The following APBB1IP variants were observed in gnomAD, a reference collection of about 807,000 sequenced individuals.
APBB1IP encodes amyloid beta A4 precursor protein-binding family B member 1-interacting protein.
Under a neutral mutation model 64.9 loss-of-function variants are expected in APBB1IP, and 27 were observed. That is an observed-to-expected ratio of 0.42 (90% CI 0.31 to 0.57). The LOEUF (loss-of-function observed/expected upper bound fraction) is 0.57. Among genes scored for constraint, APBB1IP ranks in the 20% least tolerant of loss-of-function variants. The pLI is 0.20. For synonymous variants in APBB1IP, 392 were observed against 331.0 expected, an observed-to-expected ratio of 1.18 and a Z score of -2.00; for missense variants, 812 against 845.5, an observed-to-expected ratio of 0.96 and a Z score of 0.49.
In APBB1IP at chr10:26,540,201, C is replaced by T. The variant is rs573111294; in HGVS notation, c.1045-1381C>T. 4.6e-5 allele frequency among the ~76,000 whole-genome samples: 7 copies of T among 152,198 alleles called. No individual in the cohort carries two copies. In the East Asian group the frequency reaches 5.8e-4, roughly 13 times the overall value. ...GTTAAATAAATCGTTACACCTGTACCGTAGAATTCTCTGCAGCCATAAAAT... is the reference window on the plus strand; with the variant it reads ...GTTAAATAAATCGTTACACCTGTACTGTAGAATTCTCTGCAGCCATAAAAT... On this transcript the variant is annotated intron_variant, in intron 10 of 14. Coordinates refer to ENST00000376236, the MANE Select transcript of APBB1IP (RefSeq NM_019043.4).
In APBB1IP at chr10:26,518,907, A is replaced by AT. The variant is rs561989332; in HGVS notation, c.813+5253dup. 1.7e-3 allele frequency among the ~76,000 whole-genome samples: 263 copies of AT among 152,232 alleles called. 1 individual carries two copies. The highest frequency in any genetic ancestry group is 5.3e-3 in the African/African-American group (220 of 41,536). The stretch of plus-strand genomic sequence containing the variant: ...ATAGCTCTCTAATGCCTTCACACAG[A>AT]TTTTTTATTAAATCCAGCATTTCTA... On this transcript the variant is annotated intron_variant, in intron 8 of 14. Coordinates refer to ENST00000376236, the MANE Select transcript of APBB1IP (RefSeq NM_019043.4).
At chr10:26,535,386 C>T (rs1393636690) in intron 9 of APBB1IP, among the ~76,000 whole-genome samples, 1 of 152,014 alleles carries the variant, frequency 6.6e-6, no homozygotes, top group Admixed American at 6.6e-5. Flanking sequence ...TATGGGCATG[C>T]AATGTGACCT....
Position 26,560,849 on chromosome 10 carries a change from T to A in APBB1IP, c.1369+5T>A. ...CACCAGCTCAGCCATCTACAGGTAC[T>A]AAGTGGAGGAGAAATTCCAACACAT... On this transcript the variant is annotated splice_donor_5th_base_variant and intron_variant, in intron 13 of 14. Coordinates refer to ENST00000376236, the MANE Select transcript of APBB1IP (RefSeq NM_019043.4). 6.3e-7 allele frequency: 1 copy of A among 1,576,710 alleles called. No individual in the cohort carries two copies. Among genetic ancestry groups the A allele is most frequent in the South Asian group, 1.1e-5 (1 of 87,696 alleles).
chr10:26,488,726 G>A (rs1343358520), intron 2 of APBB1IP, among the ~76,000 whole-genome samples: 1 of 152,136 alleles, frequency 6.6e-6, no homozygotes, highest in Non-Finnish European at 1.5e-5. Flanking sequence ...CACAAAATAG[G>A]ACAAGGATCT....
chr10:26,499,680 C>A (rs965334172), intron 4 of APBB1IP, among the ~76,000 whole-genome samples: 19 of 152,190 alleles, frequency 1.2e-4, no homozygotes, highest in Admixed American at 7.2e-4. Context: ...ACCCCAACTA[C>A]ACCACATGAT....
chr10:26,491,124 C>A (rs749748113), intron 2 of APBB1IP, among the ~76,000 whole-genome samples: 13 of 151,902 alleles, frequency 8.6e-5, no homozygotes, highest in Admixed American at 2.0e-4. Context: ...ACTAAAAATA[C>A]AAAAATTAGC....
chr10:26,549,904 C>A (rs1328532060), intron 11 of APBB1IP, among the ~76,000 whole-genome samples: 2 of 151,564 alleles, frequency 1.3e-5, no homozygotes, highest in Non-Finnish European at 2.9e-5. Flanking sequence ...TTAGTTTGTT[C>A]TTATTTTTTC....
At chr10:26,542,052 T>C (rs1564373835) in intron 11 of APBB1IP, among the ~76,000 whole-genome samples, 1 of 152,230 alleles carries the variant, frequency 6.6e-6, no homozygotes, top group Non-Finnish European at 1.5e-5. Context: ...CAAGATTTCC[T>C]AGACAACTTA....
chr10:26,551,152 C>T (rs1346870727), intron 11 of APBB1IP, among the ~76,000 whole-genome samples: 1 of 152,174 alleles, frequency 6.6e-6, no homozygotes, highest in Non-Finnish European at 1.5e-5. Context: ...GGAAGGTGAG[C>T]CACTGCCAAA....
At chr10:26,500,080 A>C (rs1462412338) in intron 4 of APBB1IP, among the ~76,000 whole-genome samples, 1 of 151,884 alleles carries the variant, frequency 6.6e-6, no homozygotes, top group African/African-American at 2.4e-5. Flanking sequence ...ACGTAGTGGC[A>C]TGCACCTGTA....
intron 2 of APBB1IP, among the ~76,000 whole-genome samples, chr10:26,457,395 C>T (rs542183744): frequency 6.2e-4 from 94 of 152,356 alleles, no homozygotes; most frequent in African/African-American, 2.2e-3. Context: ...CTGCCTCCGC[C>T]TTCCAAAGTG....
chr10:26,446,466 C>G (rs1835399445), intron 2 of APBB1IP, among the ~76,000 whole-genome samples: 1 of 152,148 alleles, frequency 6.6e-6, no homozygotes, highest in Non-Finnish European at 1.5e-5. Context: ...TCGGTAAGTG[C>G]TATGCAGTGT....
At chr10:26,514,101 ATAT>A (rs778747728) in intron 8 of APBB1IP, among the ~76,000 whole-genome samples, 23 of 152,220 alleles carry the variant, frequency 1.5e-4, no homozygotes, top group Non-Finnish European at 2.8e-4. Context: ...TATCACAAAT[ATAT>A]TATTTTCAAA....
chr10:26,459,276 T>C (rs1411617537), intron 2 of APBB1IP, among the ~76,000 whole-genome samples: 1 of 151,950 alleles, frequency 6.6e-6, no homozygotes, highest in Non-Finnish European at 1.5e-5. Context: ...AACTCATCAT[T>C]TTTTATGGCT....
chr10:26,561,130 G>T (rs7899859), intron 13 of APBB1IP, among the ~76,000 whole-genome samples: 44 of 132,560 alleles, frequency 3.3e-4, no homozygotes, highest in African/African-American at 1.2e-3. Context: ...GTGCAGTGGC[G>T]GGATCTCAGC....
chr10:26,490,250 T>C (rs762684187), intron 2 of APBB1IP, among the ~76,000 whole-genome samples: 1 of 152,326 alleles, frequency 6.6e-6, no homozygotes, highest in Middle Eastern at 3.4e-3. Flanking sequence ...TAGATTTGCC[T>C]CCACTTGGCC....
chr10:26,555,891 GC>G (rs1836889065), intron 11 of APBB1IP, among the ~76,000 whole-genome samples: 1 of 152,186 alleles, frequency 6.6e-6, no homozygotes, highest in African/African-American at 2.4e-5. Context: ...GAGCCACGGG[GC>G]CCTGCCTCTC....
At chr10:26,509,908 T>C (rs1390210168) in intron 6 of APBB1IP, among the ~76,000 whole-genome samples, 1 of 152,192 alleles carries the variant, frequency 6.6e-6, no homozygotes, top group East Asian at 1.9e-4. Flanking sequence ...CAAGAATTAA[T>C]TCTGTTACAT....
At chr10:26,507,506 T>C (rs1176568214) in intron 6 of APBB1IP, among the ~76,000 whole-genome samples, 1 of 151,974 alleles carries the variant, frequency 6.6e-6, no homozygotes, top group African/African-American at 2.4e-5. Context: ...CTAAAATAAA[T>C]AAATATGGGT....
Sources: allele counts gnomAD v4.1 joint callset (sites outside exome capture counted in the v4.1 genomes callset), GRCh38; gene constraint gnomAD v4.1.1; transcripts MANE v1.5; gene names NCBI Gene and HGNC (gene_info 2026-07-23, HGNC 2026-07-21).